TCF3: variants seen among roughly 807,000 people sequenced by gnomAD.
TCF3 encodes transcription factor E2-alpha.
TCF3 carries 54 observed loss-of-function variants against 72.3 expected under a neutral mutation model. The observed-to-expected ratio is 0.75, with a 90% CI of 0.60 to 0.94. The LOEUF is 0.94. Ranked by LOEUF, TCF3 falls within the 40% of genes least tolerant of loss-of-function variation. TCF3 has a pLI of 0.00. For synonymous variants in TCF3, 525 were observed against 412.6 expected (o/e 1.27, Z -3.30); for missense variants, 1,078 against 934.4 (o/e 1.15, Z -2.00).
intron 5 of TCF3, among the ~76,000 whole-genome samples, chr19:1,629,204 C>T (rs1170271011): frequency 6.6e-6 from 1 of 151,948 alleles, no homozygotes; most frequent in African/African-American, 2.4e-5. Flanking sequence ...CTGTTTCAGG[C>T]GTTGAGGGGC....
At chr19:1,640,393 A>T (rs1291712298) in intron 3 of TCF3, among the ~76,000 whole-genome samples, 1 of 150,660 alleles carries the variant, frequency 6.6e-6, no homozygotes, top group Non-Finnish European at 1.5e-5. Context: ...AAATTAGCGC[A>T]ATGGTTACTA....
At chr19:1,631,545 A>C (rs895422463) in intron 5 of TCF3, among the ~76,000 whole-genome samples, 2 of 151,932 alleles carry the variant, frequency 1.3e-5, no homozygotes, top group African/African-American at 2.4e-5. Context: ...CTGGTATTAC[A>C]GGCGTGAGCC....
At chr19:1,642,306 C>A (rs957878919) in intron 3 of TCF3, among the ~76,000 whole-genome samples, 14 of 150,972 alleles carry the variant, frequency 9.3e-5, no homozygotes, top group Non-Finnish European at 5.9e-5. Context: ...AGACACACAC[C>A]CGCACGCACA....
chr19:1,621,182 C>T lies in TCF3; in HGVS notation c.965G>A (p.Gly322Glu), dbSNP rs771593332. ...ATCCCCGGAGCTGCCAGCTGTGGTC[C>T]CTCGGGAGCCTGTGGGTGAAGAGAG... ...SGADSLLGSR[G>E]TTAGSSGDAL... Residue 322 changes from glycine to glutamate, a missense_variant, in exon 12 of 19, where the codon GGG becomes GAG. Transcript: ENST00000262965. 51 of 1,536,452 alleles carry T rather than the reference C, an allele frequency of 3.3e-5. No homozygotes were observed. The East Asian group carries it at 1.2e-3, about 36-fold the overall frequency.
intron 18 of TCF3, among the ~76,000 whole-genome samples, chr19:1,612,961 C>T (rs1218213024): frequency 6.9e-6 from 1 of 144,974 alleles, no homozygotes; most frequent in Non-Finnish European, 1.5e-5. Context: ...CGTTGCTGGG[C>T]ACAGCAATGT....
chr19:1,649,615 CCTCA>C (rs1194502648), intron 2 of TCF3, among the ~76,000 whole-genome samples: 1 of 151,982 alleles, frequency 6.6e-6, no homozygotes, highest in Non-Finnish European at 1.5e-5. Context: ...AGAAATGGGG[CCTCA>C]CTATGTTTCC....
chr19:1,626,979 C>A (rs1000608414), intron 6 of TCF3, among the ~76,000 whole-genome samples: 2 of 152,216 alleles, frequency 1.3e-5, no homozygotes, highest in African/African-American at 4.8e-5. Context: ...CATCCTCCCC[C>A]AGCCTCACAA....
rs758917874 is a variant in TCF3, at chr19:1,611,712, T to G, written c.1960A>C (p.Met654Leu). 7.4e-6 allele frequency: 12 copies of G among 1,612,848 alleles called. No homozygotes were observed. In the South Asian group the frequency reaches 1.3e-4, roughly 18 times the overall value. ...GTCCCACGGAGGCATACCTTTCACA[T>G]GTGCCCGGCGGGGTTGTGGGCTTCG... ...LSEAHNPAGH[M>L] Residue 654 changes from methionine (M) to leucine (L), a missense_variant, in exon 19 of 19, where the codon ATG (methionine) becomes CTG (leucine). Transcript: ENST00000262965.
intron 18 of TCF3, among the ~76,000 whole-genome samples, chr19:1,613,819 G>A (rs1351660998): frequency 6.6e-6 from 1 of 152,206 alleles, no homozygotes; most frequent in African/African-American, 2.4e-5. Context: ...TGGCTGGGAA[G>A]GCCAGCTCCC....
chr19:1,632,606 A>G (rs1041000639), intron 3 of TCF3, among the ~76,000 whole-genome samples: 13 of 152,116 alleles, frequency 8.5e-5, no homozygotes, highest in Non-Finnish European at 4.4e-5. Flanking sequence ...GAGCACTTAC[A>G]GGTCCATAAA....
At chr19:1,642,082 T>G (rs1220619423) in intron 3 of TCF3, among the ~76,000 whole-genome samples, 2 of 149,798 alleles carry the variant, frequency 1.3e-5, no homozygotes, top group Non-Finnish European at 3.0e-5. Flanking sequence ...AACAGATTGG[T>G]GATTCCTGGG....
rs553861119 is a variant in TCF3 at position 1,646,196 on chromosome 19, T to A, written c.145+159A>T. On this transcript the variant is annotated intron_variant, in intron 3 of 18. Transcript: ENST00000262965. ...GTCACACGGGCAACGGCAGCTGATT[T>A]CAGGGGTCTTCAGGCTCGCTGCCCC... Among the ~76,000 whole-genome samples, 39 of 152,260 alleles carry A rather than the reference T, an allele frequency of 2.6e-4. No individual in the cohort carries two copies. The South Asian group carries it at 4.4e-3, about 17-fold the overall frequency.
At chr19:1,650,333 G>C in intron 1 of TCF3, 46 bp from the exon 2 acceptor site, 1 of 1,394,216 alleles carries the variant, frequency 7.2e-7, no homozygotes, top group Non-Finnish European at 9.8e-7. Flanking sequence ...AAACAGGGAG[G>C]GGAGAAGAGT....
chr19:1,639,168 C>A (rs188460836), intron 3 of TCF3, among the ~76,000 whole-genome samples: 1 of 152,214 alleles, frequency 6.6e-6, no homozygotes, highest in East Asian at 1.9e-4. Context: ...CTCAGCCTCC[C>A]GAGCAGCTGG....
chr19:1,636,980 T>A (rs1266172481), intron 3 of TCF3, among the ~76,000 whole-genome samples: 1 of 151,900 alleles, frequency 6.6e-6, no homozygotes, highest in Non-Finnish European at 1.5e-5. Context: ...GCACCTAAAG[T>A]GGCAGGACGT....
At chr19:1,623,882 T>C in intron 8 of TCF3, 69 bp downstream of exon 8, 2 of 1,523,850 alleles carry the variant, frequency 1.3e-6, no homozygotes, top group Non-Finnish European at 1.8e-6. Context: ...TTCCCAAGCT[T>C]CGCCAGGACA....
Position 1,622,038 on chromosome 19 carries a change from C to A in TCF3, c.822+16G>T. 1 of 1,598,878 alleles carries A rather than the reference C, an allele frequency of 6.3e-7. No individual in the cohort carries two copies. Reference sequence around the variant, plus strand: ...CCACCCTCCGCCCACCCCCTGCCCCCTGCCCTGGGTCCTACCATACGCTCG... The same window carrying A: ...CCACCCTCCGCCCACCCCCTGCCCCATGCCCTGGGTCCTACCATACGCTCG... On this transcript the variant is annotated intron_variant, in intron 10 of 18. Coordinates refer to ENST00000262965, the MANE Select transcript of TCF3 (RefSeq NM_003200.5).
At chr19:1,629,752 G>A (rs768970227) in intron 5 of TCF3, among the ~76,000 whole-genome samples, 28 of 152,182 alleles carry the variant, frequency 1.8e-4, no homozygotes, top group Admixed American at 1.2e-3. Flanking sequence ...TGGGACGCGC[G>A]ATCGAGTAAT....
At chr19:1,640,079 C>T (rs1414650612) in intron 3 of TCF3, among the ~76,000 whole-genome samples, 1 of 152,174 alleles carries the variant, frequency 6.6e-6, no homozygotes, top group Non-Finnish European at 1.5e-5. Flanking sequence ...TAAAAGTTGG[C>T]GCATTGAGGA....
Sources: allele counts gnomAD v4.1 joint callset (sites outside exome capture counted in the v4.1 genomes callset), GRCh38; gene constraint gnomAD v4.1.1; transcripts MANE v1.5; gene names NCBI Gene and HGNC (gene_info 2026-07-23, HGNC 2026-07-21).